The following COL21A1 variants were observed in gnomAD, a reference collection of about 807,000 sequenced individuals.
COL21A1 encodes the protein collagen type XXI alpha 1 chain, also known as collagen alpha-1(XXI) chain.
COL21A1 carries 149 observed loss-of-function variants against 137.9 expected under a neutral mutation model. The observed-to-expected ratio is 1.08, with a 90% confidence interval of 0.95 to 1.24. The LOEUF (loss-of-function observed/expected upper bound fraction) is 1.24, where lower values mean the gene tolerates loss of function less well. COL21A1 is among the 50% of genes most tolerant of loss of function. The pLI is 0.00. For missense variants in COL21A1, 1,167 were observed against 1,158.4 expected, an observed-to-expected ratio of 1.01 and a Z score of -0.11; for synonymous variants, 456 against 391.5, an observed-to-expected ratio of 1.16 and a Z score of -1.95.
intron 12 of COL21A1, among the ~76,000 whole-genome samples, chr6:56,139,491 TTGTGCACATAC>T (rs1411726602): frequency 6.6e-5 from 7 of 106,156 alleles, no homozygotes; most frequent in African/African-American, 2.7e-4. Flanking sequence ...GCACACACAC[TTGTGCACATAC>T]ACACACACAC....
intron 12 of COL21A1, among the ~76,000 whole-genome samples, chr6:56,130,164 T>TC: frequency 8.0e-6 from 1 of 125,622 alleles, no homozygotes; most frequent in Non-Finnish European, 1.7e-5. Flanking sequence ...ATGACAGGGT[T>TC]TTATATATAT....
chr6:56,134,378 A>G (rs1773820725), intron 12 of COL21A1, among the ~76,000 whole-genome samples: 1 of 152,144 alleles, frequency 6.6e-6, no homozygotes, highest in Non-Finnish European at 1.5e-5. Flanking sequence ...TATTTATCCA[A>G]TGCCTGTACC....
intron 10 of COL21A1, among the ~76,000 whole-genome samples, chr6:56,150,285 G>A (rs1029449772): frequency 3.3e-5 from 5 of 152,120 alleles, no homozygotes; most frequent in Admixed American, 6.5e-5. Context: ...TTGGGAGGTC[G>A]AGGCGGGCGG....
chr6:56,058,285 C>T (rs1765504623), intron 29 of COL21A1, among the ~76,000 whole-genome samples: 2 of 152,060 alleles, frequency 1.3e-5, no homozygotes, highest in African/African-American at 4.8e-5. Context: ...TTTTTAGTTT[C>T]CATATCTAAA....
intron 1 of COL21A1, among the ~76,000 whole-genome samples, chr6:56,242,911 T>C (rs1562019050): frequency 6.6e-6 from 1 of 152,192 alleles, no homozygotes; most frequent in East Asian, 1.9e-4. Flanking sequence ...TAAGTTGGAT[T>C]GTGCGTCTCT....
At chr6:56,211,049 T>G (rs1278933572) in intron 1 of COL21A1, among the ~76,000 whole-genome samples, 4 of 151,198 alleles carry the variant, frequency 2.6e-5, no homozygotes, top group Admixed American at 6.6e-5. Context: ...AGTCCTTAAG[T>G]ATTCAACTGG....
intron 18 of COL21A1, among the ~76,000 whole-genome samples, chr6:56,077,135 T>A (rs931612639): frequency 2.2e-4 from 34 of 151,296 alleles, no homozygotes; most frequent in African/African-American, 8.0e-4. Context: ...TACAAAACTG[T>A]CCTTCAAAAC....
At chr6:56,138,164 G>A (rs550182704) in intron 12 of COL21A1, among the ~76,000 whole-genome samples, 6 of 152,046 alleles carry the variant, frequency 3.9e-5, no homozygotes, top group South Asian at 2.1e-4. Context: ...CTGAAAACCC[G>A]ATTGTAACAA....
chr6:56,079,623 G>A lies in COL21A1; in HGVS notation c.1813-2050C>T, dbSNP rs527978104. Among the ~76,000 whole-genome samples the A allele has an allele frequency of 8.2e-4, 124 of 151,624 alleles. No individual in the cohort carries two copies. In the Middle Eastern group the frequency reaches 0.01, roughly 12 times the overall value. ...CTTTTATCTGAGACACTCTAATACT[G>A]AGCTTGGTCTGTAGTAGAACATAGC... On this transcript the variant is annotated intron_variant, in intron 17 of 29. Transcript: ENST00000244728.
At chr6:56,226,473 C>G (rs1327590428) in intron 1 of COL21A1, among the ~76,000 whole-genome samples, 1 of 151,934 alleles carries the variant, frequency 6.6e-6, no homozygotes, top group Non-Finnish European at 1.5e-5. Context: ...TATATTATAT[C>G]AATATAAAAT....
intron 12 of COL21A1, among the ~76,000 whole-genome samples, chr6:56,129,836 A>AAAAT (rs76186479): frequency 0.15 from 22,669 of 151,654 alleles, 1,714 homozygotes; most frequent in Middle Eastern, 0.22. Context: ...GACAAAAGAA[A>AAAAT]AAATAAATTT....
At chr6:56,287,601 T>A (rs575314537) in intron 1 of COL21A1, among the ~76,000 whole-genome samples, 1 of 152,186 alleles carries the variant, frequency 6.6e-6, no homozygotes, top group African/African-American at 2.4e-5. Context: ...GATTGTAAGT[T>A]TCCTGAGGCC....
chr6:56,077,906 T>C (rs887833411), intron 17 of COL21A1: 12 of 367,368 alleles, frequency 3.3e-5, no homozygotes, highest in Non-Finnish European at 4.7e-5. Flanking sequence ...TAATGAATCA[T>C]GCAAGAAAAT....
At chr6:56,186,373 A>T (rs991584884) in intron 1 of COL21A1, among the ~76,000 whole-genome samples, 1 of 152,134 alleles carries the variant, frequency 6.6e-6, no homozygotes, top group Non-Finnish European at 1.5e-5. Flanking sequence ...TGCTGTCTAT[A>T]AAAAAATCGA....
intron 17 of COL21A1, among the ~76,000 whole-genome samples, chr6:56,097,976 T>A (rs1295603623): frequency 5.2e-5 from 3 of 57,536 alleles, no homozygotes; most frequent in South Asian, 1.1e-3. Flanking sequence ...AATATATAAA[T>A]ATATATAAAT....
chr6:56,344,637 C>T (rs1290501648), intron 1 of COL21A1, among the ~76,000 whole-genome samples: 1 of 152,054 alleles, frequency 6.6e-6, no homozygotes, highest in Non-Finnish European at 1.5e-5. Context: ...TATTTCTGTC[C>T]CAGCTCAAAT....
intron 1 of COL21A1, among the ~76,000 whole-genome samples, chr6:56,332,692 T>C (rs1251843830): frequency 1.3e-5 from 2 of 151,964 alleles, no homozygotes; most frequent in Non-Finnish European, 2.9e-5. Flanking sequence ...ATATGTTTTT[T>C]TTTAACTCCA....
intron 13 of COL21A1, 132 bp from the exon 14 acceptor site, chr6:56,125,752 AGTTT>A: frequency 1.6e-6 from 1 of 632,744 alleles, no homozygotes; most frequent in Non-Finnish European, 2.5e-6. Context: ...AATAATTTAA[AGTTT>A]GCTTTAAAAG....
At chr6:56,282,915 G>A (rs1763814404) in intron 1 of COL21A1, among the ~76,000 whole-genome samples, 1 of 152,106 alleles carries the variant, frequency 6.6e-6, no homozygotes, top group Non-Finnish European at 1.5e-5. Context: ...TGTGTCAATA[G>A]TCTCCTGAAT....
Sources: gnomAD v4.1 joint callset for allele counts (sites outside exome capture counted in the v4.1 genomes callset) on GRCh38, gnomAD v4.1.1 for gene constraint, MANE v1.5 for transcripts, NCBI Gene and HGNC (gene_info 2026-07-23, HGNC 2026-07-21) for gene names.